LAMA2: variants seen among roughly 807,000 people sequenced by gnomAD.
The protein encoded by LAMA2 is laminin subunit alpha-2.
In LAMA2, 269 loss-of-function variants were observed where a neutral mutation model predicts 364.8. The observed-to-expected ratio is 0.74, with a 90% CI of 0.67 to 0.82. LAMA2 has a LOEUF of 0.82. LAMA2 is among the 40% of genes least tolerant of loss of function. The pLI is 0.00. For synonymous variants in LAMA2, 1,379 were observed against 1,370.6 expected, an observed-to-expected ratio of 1.01 and a Z score of -0.14; for missense variants, 3,807 against 3,873.2, an observed-to-expected ratio of 0.98 and a Z score of 0.45.
chr6:129,284,045 C>T lies in LAMA2; in HGVS notation c.2538-3802C>T, dbSNP rs903839410. 4.6e-5 allele frequency among the ~76,000 whole-genome samples: 7 copies of T among 152,216 alleles called. No homozygotes were observed. The Middle Eastern group carries it at 0.017, about 370-fold the overall frequency. On this transcript the variant is annotated intron_variant, in intron 18 of 64. Transcript: ENST00000421865. ...TTTACCCTCTTCTTTTCCATGAAGT[C>T]CCTGGGTGTCTAGTCTGTTTACTTT... is the stretch of plus-strand genomic sequence containing the variant.
intron 1 of LAMA2, among the ~76,000 whole-genome samples, chr6:129,036,683 C>T (rs1420821974): frequency 6.6e-6 from 1 of 150,818 alleles, no homozygotes. Flanking sequence ...CAGAAGCCTC[C>T]AAAAATACTC....
intron 45 of LAMA2, among the ~76,000 whole-genome samples, chr6:129,449,092 G>A (rs1450047368): frequency 6.6e-6 from 1 of 152,210 alleles, no homozygotes; most frequent in Non-Finnish European, 1.5e-5. Context: ...TGTACTGGCT[G>A]TCAACAGTTT....
intron 12 of LAMA2, among the ~76,000 whole-genome samples, chr6:129,232,931 T>C (rs1455838908): frequency 6.6e-6 from 1 of 152,050 alleles, no homozygotes; most frequent in Non-Finnish European, 1.5e-5. Context: ...GGAGAGTCCC[T>C]TGAACCAAGG....
At chr6:129,510,762 T>G (rs1211086636) in intron 62 of LAMA2, among the ~76,000 whole-genome samples, 1 of 152,078 alleles carries the variant, frequency 6.6e-6, no homozygotes, top group East Asian at 1.9e-4. Flanking sequence ...CAGGTGATTT[T>G]AACACTCCCA....
chr6:128,950,832 T>TTA (rs1226141820), intron 1 of LAMA2, among the ~76,000 whole-genome samples: 4 of 152,116 alleles, frequency 2.6e-5, no homozygotes, highest in Middle Eastern at 3.2e-3. Context: ...ATATATTACA[T>TTA]TATATATTCA....
intron 3 of LAMA2, among the ~76,000 whole-genome samples, chr6:129,089,685 G>A (rs1774689037): frequency 6.6e-6 from 1 of 152,342 alleles, no homozygotes; most frequent in Admixed American, 6.5e-5. Flanking sequence ...GAGAATAGAT[G>A]TCAAGGGTAG....
chr6:129,006,722 G>A (rs1298903370), intron 1 of LAMA2, among the ~76,000 whole-genome samples: 1 of 151,960 alleles, frequency 6.6e-6, no homozygotes, highest in Non-Finnish European at 1.5e-5. Context: ...GCTCTCCATC[G>A]TGTCCAGTAT....
At chr6:129,082,426 A>G (rs897803653) in intron 3 of LAMA2, among the ~76,000 whole-genome samples, 5 of 152,154 alleles carry the variant, frequency 3.3e-5, no homozygotes, top group Admixed American at 2.6e-4. Context: ...CAAACGTTTT[A>G]AACATCCAAT....
intron 3 of LAMA2, among the ~76,000 whole-genome samples, chr6:129,095,057 T>C (rs1182514296): frequency 2.0e-5 from 3 of 152,218 alleles, no homozygotes; most frequent in Non-Finnish European, 4.4e-5. Context: ...GTAATAAATA[T>C]CAAATGCCCA....
At chr6:129,259,432 G>T (rs1786958566) in intron 14 of LAMA2, among the ~76,000 whole-genome samples, 1 of 152,010 alleles carries the variant, frequency 6.6e-6, no homozygotes, top group Non-Finnish European at 1.5e-5. Flanking sequence ...ATGGTTACAA[G>T]ATGCCATATC....
chr6:129,303,247 G>C (rs116945107), intron 22 of LAMA2, among the ~76,000 whole-genome samples: 1 of 152,002 alleles, frequency 6.6e-6, no homozygotes, highest in Non-Finnish European at 1.5e-5. Flanking sequence ...TAAATTGCTT[G>C]TTACTAGAAT....
chr6:129,284,630 C>T (rs541842235), intron 18 of LAMA2, among the ~76,000 whole-genome samples: 6 of 151,932 alleles, frequency 3.9e-5, no homozygotes, highest in African/African-American at 9.7e-5. Context: ...AAATGTAGGC[C>T]GTGATTTTAG....
chr6:129,036,925 C>A (rs1786678039), intron 1 of LAMA2, among the ~76,000 whole-genome samples: 1 of 152,174 alleles, frequency 6.6e-6, no homozygotes, highest in South Asian at 2.1e-4. Context: ...CATCGTGGAT[C>A]AAATACATTA....
At chr6:129,090,748 T>G (rs1351106702) in intron 3 of LAMA2, among the ~76,000 whole-genome samples, 1 of 152,178 alleles carries the variant, frequency 6.6e-6, no homozygotes, top group East Asian at 1.9e-4. Flanking sequence ...CACAACCACT[T>G]TATAGATTGT....
intron 1 of LAMA2, chr6:128,929,076 C>A: frequency 6.9e-7 from 1 of 1,456,464 alleles, no homozygotes; most frequent in Non-Finnish European, 9.6e-7. Context: ...ATGTGGTCAT[C>A]CAGAATCCAC....
intron 1 of LAMA2, among the ~76,000 whole-genome samples, chr6:128,970,867 C>T (rs1174143891): frequency 6.6e-6 from 1 of 152,174 alleles, no homozygotes; most frequent in African/African-American, 2.4e-5. Context: ...CAGATAGCTA[C>T]ATGTGTCTCT....
At chr6:129,017,502 A>G (rs1207195558) in intron 1 of LAMA2, among the ~76,000 whole-genome samples, 2 of 152,018 alleles carry the variant, frequency 1.3e-5, no homozygotes, top group Non-Finnish European at 2.9e-5. Context: ...CAGATACGAC[A>G]GGTGAACTTT....
Position 129,445,656 on chromosome 6 carries a change from G to T in LAMA2, c.6275-11G>T. ...ATGCATATACATGCACACTAATTTT[G>T]TTCTATGCAGTTGCCGATGCAGATG... On this transcript the variant is annotated splice_polypyrimidine_tract_variant and intron_variant, in intron 44 of 64. Transcript: ENST00000421865. 1.9e-6 allele frequency: 3 copies of T among 1,613,244 alleles called. No homozygotes were observed. The highest frequency in any genetic ancestry group is 2.5e-6 in the Non-Finnish European group (3 of 1,179,318).
intron 51 of LAMA2, among the ~76,000 whole-genome samples, chr6:129,470,305 T>C (rs1241282046): frequency 6.6e-6 from 1 of 151,910 alleles, no homozygotes; most frequent in African/African-American, 2.4e-5. Flanking sequence ...TGATTTGGAA[T>C]GTTTAGCTTA....
Sources: allele counts gnomAD v4.1 joint callset (sites outside exome capture counted in the v4.1 genomes callset), GRCh38; gene constraint gnomAD v4.1.1; transcripts MANE v1.5; gene names NCBI Gene and HGNC (gene_info 2026-07-23, HGNC 2026-07-21).